GRHL2: variants seen among roughly 807,000 people sequenced by gnomAD.
GRHL2 encodes grainyhead-like protein 2 homolog.
A neutral mutation model predicts 83.8 loss-of-function variants in GRHL2; 21 were observed. That is an observed-to-expected ratio of 0.25 (90% confidence interval 0.18 to 0.36). The LOEUF (loss-of-function observed/expected upper bound fraction) is 0.36. Among genes scored for constraint, GRHL2 ranks in the 10% least tolerant of loss-of-function variants. GRHL2 has a pLI of 1.00. For missense variants in GRHL2, 623 were observed against 781.8 expected (o/e 0.80, Z 2.42); for synonymous variants, 280 against 278.9 (o/e 1.00, Z -0.04).
chr8:101,659,400 C>A (rs912350237), intron 14 of GRHL2, among the ~76,000 whole-genome samples: 5 of 152,146 alleles, frequency 3.3e-5, no homozygotes, highest in African/African-American at 1.2e-4. Flanking sequence ...CATCTGTAGA[C>A]CCCCAGGTTA....
At chr8:101,638,316 G>A (rs536721580) in intron 12 of GRHL2, among the ~76,000 whole-genome samples, 1 of 152,134 alleles carries the variant, frequency 6.6e-6, no homozygotes, top group African/African-American at 2.4e-5. Flanking sequence ...CAGGCCCACC[G>A]CCTATTTTAG....
intron 1 of GRHL2, among the ~76,000 whole-genome samples, chr8:101,496,204 T>A (rs1179839510): frequency 6.6e-6 from 1 of 151,850 alleles, no homozygotes; most frequent in African/African-American, 2.4e-5. Flanking sequence ...ACTCATCGCA[T>A]TTTTGCTTAT....
chr8:101,542,632 A>T (rs747170711), intron 1 of GRHL2: 71 of 366,590 alleles, frequency 1.9e-4, no homozygotes, highest in Non-Finnish European at 3.4e-4. Flanking sequence ...GAGTTTGAAG[A>T]GGACCAATTG....
chr8:101,663,844 A>T (rs1479038094), intron 14 of GRHL2, among the ~76,000 whole-genome samples: 2 of 149,616 alleles, frequency 1.3e-5, no homozygotes, highest in Non-Finnish European at 3.0e-5. Flanking sequence ...AGTTAGTTCC[A>T]TGTCTGTCAT....
chr8:101,637,453 C>T (rs13275653), intron 12 of GRHL2, among the ~76,000 whole-genome samples: 83,360 of 151,920 alleles, frequency 0.55, 23,131 homozygotes, highest in Non-Finnish European at 0.58. Context: ...CCTTTTCAAT[C>T]GTAGGTAAGA....
chr8:101,617,292 G>A (rs1389711757), intron 8 of GRHL2, among the ~76,000 whole-genome samples: 1 of 152,116 alleles, frequency 6.6e-6, no homozygotes, highest in African/African-American at 2.4e-5. Flanking sequence ...CTGTCACTAA[G>A]CCCTGTCATC....
chr8:101,613,572 C>T (rs1339552968), intron 8 of GRHL2, among the ~76,000 whole-genome samples: 1 of 150,932 alleles, frequency 6.6e-6, no homozygotes, highest in Non-Finnish European at 1.5e-5. Flanking sequence ...TTAATATTGT[C>T]TACTTTTAGT....
At chr8:101,673,366 G>A (rs1292395232), downstream of GRHL2, among the ~76,000 whole-genome samples, 1 of 151,892 alleles carries the variant, frequency 6.6e-6, no homozygotes, top group Non-Finnish European at 1.5e-5. Flanking sequence ...GATCTACCAA[G>A]CAATTGGAAA....
rs1812457405 is a variant in GRHL2, at chr8:101,599,072, G to A, written c.1019G>A (p.Ser340Asn). 6.2e-7 allele frequency: 1 copy of A among 1,612,234 alleles called. No homozygotes were observed. Among genetic ancestry groups the A allele is most frequent in the Non-Finnish European group, 8.5e-7 (1 of 1,178,466 alleles). The change falls in exon 8 of 16, where the codon AGC becomes AAC. Residue 340 changes from serine (S) to asparagine (N), a missense_variant. Physicochemically the swap from Ser to Asn is conservative, Grantham distance 46 (BLOSUM62 1). Around this residue, in one of 8 missense-constraint regions of GRHL2, gnomAD observed 96 missense variants for 144.8 expected, o/e 0.66. Coordinates refer to ENST00000646743, the MANE Select transcript of GRHL2 (RefSeq NM_024915.4). ...RVLDIADYKE[S>N]FNTIGNIEEI... ...AATGTTACAGCCGATTACAAGGAGAGCTTTAATACGATTGGAAACATTGAA... is the reference window on the plus strand; with the variant it reads ...AATGTTACAGCCGATTACAAGGAGAACTTTAATACGATTGGAAACATTGAA...
At chr8:101,565,499 C>T (rs1230838049) in intron 4 of GRHL2, among the ~76,000 whole-genome samples, 5 of 152,148 alleles carry the variant, frequency 3.3e-5, no homozygotes, top group African/African-American at 1.2e-4. Flanking sequence ...CAGTTCTCTT[C>T]CAATTAGTGA....
At chr8:101,639,384 G>A (rs1278444429) in intron 12 of GRHL2, among the ~76,000 whole-genome samples, 3 of 152,288 alleles carry the variant, frequency 2.0e-5, no homozygotes, top group East Asian at 3.9e-4. Flanking sequence ...GCTAGGCACC[G>A]TGCTAAGTGC....
chr8:101,581,234 T>A (rs11996871), intron 7 of GRHL2, among the ~76,000 whole-genome samples: 16,155 of 152,162 alleles, frequency 0.11, 1,182 homozygotes, highest in African/African-American at 0.2. Context: ...TGGAAGCCAG[T>A]TTGATATGCG....
At position 101,562,224 on chromosome 8, in the gene GRHL2, C is replaced by G. The variant is rs542104919; in HGVS notation, c.678+3412C>G. The G allele has an allele frequency of 1.0e-4, 61 of 603,710 alleles. 2 individuals carry two copies. Among genetic ancestry groups the G allele is most frequent in the South Asian group, 8.7e-4 (59 of 67,652 alleles). The allele number at this position is 603,710 out of a possible 1,614,324, so 37.4% of individuals were successfully genotyped here. A position where few individuals can be genotyped will look rare whatever the true frequency, so the allele number is the denominator to read the frequency against. ...TTCAACTCTCTTCATTGAATCAATA[C>G]TTTTATTCCATAGCTCTCACTGGTA... On this transcript the variant is annotated intron_variant, in intron 4 of 15. Coordinates refer to ENST00000646743, the MANE Select transcript of GRHL2 (RefSeq NM_024915.4).
At chr8:101,634,639 A>G (rs1484785838) in intron 11 of GRHL2, among the ~76,000 whole-genome samples, 1 of 152,104 alleles carries the variant, frequency 6.6e-6, no homozygotes, top group Non-Finnish European at 1.5e-5. Flanking sequence ...GCTGCAATGC[A>G]GTTGTGCACA....
intron 7 of GRHL2, among the ~76,000 whole-genome samples, chr8:101,580,907 G>C (rs139075600): frequency 0.091 from 13,837 of 151,804 alleles, 785 homozygotes; most frequent in African/African-American, 0.15. Context: ...GTTTCACTGT[G>C]TTAGCCAGGA....
intron 11 of GRHL2, among the ~76,000 whole-genome samples, chr8:101,634,600 C>G (rs1046157222): frequency 1.3e-5 from 2 of 152,152 alleles, no homozygotes; most frequent in Non-Finnish European, 2.9e-5. Flanking sequence ...TCTCAGAAAC[C>G]GCCGCAGTCC....
intron 14 of GRHL2, among the ~76,000 whole-genome samples, chr8:101,655,204 G>A (rs531122526): frequency 2.0e-5 from 3 of 151,688 alleles, no homozygotes; most frequent in East Asian, 3.9e-4. Context: ...AAAAGAAGAA[G>A]GAAGTCTCCC....
chr8:101,514,292 A>G (rs1810524376), intron 1 of GRHL2, among the ~76,000 whole-genome samples: 3 of 152,248 alleles, frequency 2.0e-5, no homozygotes, highest in Admixed American at 2.0e-4. Flanking sequence ...AAGTGAAAAC[A>G]AAGAGACTTT....
At chr8:101,542,585 A>T (rs1450643667) in intron 1 of GRHL2, among the ~76,000 whole-genome samples, 1 of 151,954 alleles carries the variant, frequency 6.6e-6, no homozygotes, top group African/African-American at 2.4e-5. Flanking sequence ...AATAAATAAA[A>T]TTACTTGGCC....
Sources: allele counts gnomAD v4.1 joint callset (sites outside exome capture counted in the v4.1 genomes callset), GRCh38; gene constraint gnomAD v4.1.1; regional missense constraint gnomAD v4.1.1; transcripts MANE v1.5; gene names NCBI Gene and HGNC (gene_info 2026-07-23, HGNC 2026-07-21).